Variants in CD48 observed in about 807,000 individuals in gnomAD.
CD48 encodes CD48 antigen.
In CD48, 20 loss-of-function variants were observed where a neutral mutation model predicts 22.0. That is an observed-to-expected ratio of 0.91 (90% CI 0.64 to 1.32). The LOEUF (loss-of-function observed/expected upper bound fraction) is 1.32, where lower values mean the gene tolerates loss of function less well. Among genes scored for constraint, CD48 ranks in the 40% most tolerant of loss-of-function variants. The pLI, the probability that CD48 is intolerant of heterozygous loss-of-function variation, is 0.00. For synonymous variants in CD48, 110 were observed against 110.1 expected, an observed-to-expected ratio of 1.00 and a Z score of 0.01; for missense variants, 307 against 286.5, an observed-to-expected ratio of 1.07 and a Z score of -0.52.
rs73012281 is a variant in CD48, at chr1:160,680,785, G to C, written c.652+417C>G. ...CTGACTTTGGCGGTCTAATGACCTC[G>C]GTCCCTCTTTCCTTGGCTGACTTCG... On this transcript the variant is annotated intron_variant, in intron 3 of 3. Transcript: ENST00000368046. The C allele has an allele frequency of 4.4e-3, 4,869 of 1,108,788 alleles. 132 individuals carry two copies. The African/African-American group carries it at 0.067, about 15-fold the overall frequency. 68.7% of individuals were successfully genotyped at this position (1,108,788 alleles called of 1,614,324 possible).
At chr1:160,688,603 A>G (rs138355441) in intron 1 of CD48, among the ~76,000 whole-genome samples, 1 of 152,324 alleles carries the variant, frequency 6.6e-6, no homozygotes, top group Non-Finnish European at 1.5e-5. Context: ...TGATACTGAG[A>G]GAGTGGGACA....
intron 1 of CD48, among the ~76,000 whole-genome samples, chr1:160,711,263 T>C (rs765610182): frequency 6.6e-6 from 1 of 152,314 alleles, no homozygotes; most frequent in Admixed American, 6.5e-5. Context: ...TTACCTTGGC[T>C]CAGGATGCAA....
At chr1:160,711,641 C>A (rs542657286) in intron 1 of CD48, 41 bp downstream of exon 1, 2 of 1,453,118 alleles carry the variant, frequency 1.4e-6, no homozygotes, top group Admixed American at 1.7e-5. Flanking sequence ...CTGACCATGC[C>A]TTCAGTGCAC....
chr1:160,707,118 A>AG, intron 1 of CD48, among the ~76,000 whole-genome samples: 1 of 152,030 alleles, frequency 6.6e-6, no homozygotes, highest in Non-Finnish European at 1.5e-5. Flanking sequence ...AGCTACCAAG[A>AG]CCTCAGGTTT....
Position 160,705,576 on chromosome 1 carries a change from C to T in CD48, c.82+6106G>A, listed in dbSNP as rs544445399. On this transcript the variant is annotated intron_variant, in intron 1 of 3. Transcript: ENST00000368046. ...ATGCCTGGCGCTGTGCTAGACTCTGCTGTCAGCAAGGCAGATACAGTCTCT... is the reference window on the plus strand; with the variant it reads ...ATGCCTGGCGCTGTGCTAGACTCTGTTGTCAGCAAGGCAGATACAGTCTCT... Among the ~76,000 whole-genome samples, 6 of 152,300 alleles carry T rather than the reference C, an allele frequency of 3.9e-5. No homozygotes were observed. The South Asian group carries it at 1.2e-3, about 32-fold the overall frequency.
At chr1:160,689,046 G>A (rs1662098667) in intron 1 of CD48, among the ~76,000 whole-genome samples, 1 of 152,058 alleles carries the variant, frequency 6.6e-6, no homozygotes, top group Non-Finnish European at 1.5e-5. Context: ...TGAAAGTATG[G>A]GGTATCTCCC....
Position 160,685,185 on chromosome 1 carries a change from G to A in CD48, c.87C>T (p.His29=), listed in dbSNP as rs147119126. The A allele has an allele frequency of 1.7e-4, 274 of 1,603,556 alleles. 3 individuals carry two copies. The highest frequency in any genetic ancestry group is 1.2e-3 in the Middle Eastern group (7 of 6,000). The change falls in exon 2 of 4, where the codon CAC becomes CAT. Residue 29 remains histidine, a synonymous_variant. Coordinates refer to ENST00000368046, the MANE Select transcript of CD48 (RefSeq NM_001778.4). The stretch of plus-strand genomic sequence containing the variant: ...CGGAGACCACGGTCATATGTACCAA[G>A]TGACCTGCCAATGAGATTCAGAGTG... ...LSLLVTSIQG[H]LVHMTVVSGS...
At chr1:160,680,178 G>C (rs1456387196) in intron 3 of CD48, among the ~76,000 whole-genome samples, 1 of 152,194 alleles carries the variant, frequency 6.6e-6, no homozygotes, top group East Asian at 1.9e-4. Context: ...AGGTGAATGT[G>C]AGCACCTCAG....
At chr1:160,681,915 A>G (rs1661820052) in intron 2 of CD48, among the ~76,000 whole-genome samples, 1 of 152,182 alleles carries the variant, frequency 6.6e-6, no homozygotes, top group Non-Finnish European at 1.5e-5. Context: ...TCCTAAGGTA[A>G]GAGGTACCTG....
At chr1:160,681,575 G>A (rs1571047668) in intron 2 of CD48, 107 bp from the exon 3 acceptor site, 5 of 1,375,856 alleles carry the variant, frequency 3.6e-6, no homozygotes, top group Non-Finnish European at 5.0e-6. Context: ...GAATGCCCCA[G>A]GAGGCAGAGT....
In CD48 at chr1:160,711,807, G is replaced by T; in HGVS notation, c.-44C>A. The T allele has an allele frequency of 6.8e-7, 1 of 1,460,888 alleles. No homozygotes were observed. The highest frequency in any genetic ancestry group is 9.6e-7 in the Non-Finnish European group (1 of 1,042,360). 90.5% of individuals were successfully genotyped at this position (1,460,888 alleles called of 1,614,324 possible). A position where few individuals can be genotyped will look rare whatever the true frequency, so the allele number is the denominator to read the frequency against. On this transcript the variant is annotated 5_prime_UTR_variant, in exon 1 of 4. Transcript: ENST00000368046. The stretch of plus-strand genomic sequence containing the variant: ...CCAGCAACGCAGGAGACAGTTGAGA[G>T]CCTGGCTAGAAAAAGGCCGGGGCTA...
At chr1:160,700,348 T>G (rs936946356) in intron 1 of CD48, among the ~76,000 whole-genome samples, 3 of 152,220 alleles carry the variant, frequency 2.0e-5, no homozygotes, top group African/African-American at 4.8e-5. Context: ...TTTGAGCCAA[T>G]TTAAAGGAAC....
chr1:160,681,999 G>A (rs1237392873), intron 2 of CD48, among the ~76,000 whole-genome samples: 1 of 152,196 alleles, frequency 6.6e-6, no homozygotes, highest in Non-Finnish European at 1.5e-5. Context: ...CAGAGCTACA[G>A]AGAAGAACTT....
chr1:160,706,946 A>G (rs532235255), intron 1 of CD48, among the ~76,000 whole-genome samples: 31 of 152,342 alleles, frequency 2.0e-4, no homozygotes, highest in African/African-American at 7.0e-4. Context: ...TATTGAGAAA[A>G]ATAAAAATAA....
In CD48 at chr1:160,681,262, C is replaced by G. The variant is rs761666727; in HGVS notation, c.592G>C (p.Val198Leu). ...TTCTTGCTGCTCACAGAATTGCTGA[C>G]TTGGCAAGTATAACACCTGGAGTAA... ...HNYSRCYTCQ[V>L]SNSVSSKNGT... is the part of the protein sequence containing the mutation. The change falls in exon 3 of 4, where the codon GTC (valine) becomes CTC (leucine). Residue 198 changes from valine (V) to leucine (L), a missense_variant. Transcript: ENST00000368046. The G allele has an allele frequency of 6.2e-7, 1 of 1,614,232 alleles. No homozygotes were observed. The highest frequency in any genetic ancestry group is 1.7e-5 in the Admixed American group (1 of 60,028).
At chr1:160,698,738 A>G (rs1012593681) in intron 1 of CD48, among the ~76,000 whole-genome samples, 4 of 152,096 alleles carry the variant, frequency 2.6e-5, no homozygotes, top group Non-Finnish European at 1.5e-5. Context: ...TCTACAGGGA[A>G]GAGAAGATAA....
intron 1 of CD48, among the ~76,000 whole-genome samples, chr1:160,710,551 G>A (rs1454196010): frequency 6.6e-6 from 1 of 152,196 alleles, no homozygotes; most frequent in Non-Finnish European, 1.5e-5. Flanking sequence ...CTGTCAGGAT[G>A]TTTTCAGTAT....
At chr1:160,679,625 C>T (rs1379157160) in intron 3 of CD48, among the ~76,000 whole-genome samples, 1 of 151,860 alleles carries the variant, frequency 6.6e-6, no homozygotes, top group Non-Finnish European at 1.5e-5. Flanking sequence ...AGCTTAGATG[C>T]TGGGGTGGGG....
At chr1:160,691,908 TA>T (rs1049482691) in intron 1 of CD48, 1 of 296,824 alleles carries the variant, frequency 3.4e-6, no homozygotes, top group Non-Finnish European at 6.2e-6. Flanking sequence ...TGGGGCAAAC[TA>T]AAACTAAAAG....
Sources: allele counts gnomAD v4.1 joint callset (sites outside exome capture counted in the v4.1 genomes callset), GRCh38; gene constraint gnomAD v4.1.1; transcripts MANE v1.5; gene names NCBI Gene and HGNC (gene_info 2026-07-23, HGNC 2026-07-21).